PDS5A: variants seen among roughly 807,000 people sequenced by gnomAD.
PDS5A encodes the protein sister chromatid cohesion protein PDS5 homolog A.
PDS5A carries 42 observed loss-of-function variants against 167.1 expected under a neutral mutation model. The observed-to-expected ratio is 0.25, with a 90% confidence interval of 0.20 to 0.33. PDS5A has a LOEUF of 0.33. Among genes scored for constraint, PDS5A ranks in the 10% least tolerant of loss-of-function variants. PDS5A has a pLI of 1.00. For synonymous variants in PDS5A, 553 were observed against 554.6 expected (o/e 1.00, Z 0.04); for missense variants, 1,033 against 1,605.9 (o/e 0.64, Z 6.10).
intron 19 of PDS5A, 114 bp downstream of exon 19, chr4:39,876,879 A>C (rs903517134): frequency 4.2e-6 from 3 of 708,826 alleles, no homozygotes; most frequent in African/African-American, 3.7e-5. Context: ...GTAGCTTCTA[A>C]ATCAAAGTTG....
chr4:39,835,533 G>GC (rs1716306666), intron 32 of PDS5A, among the ~76,000 whole-genome samples: 2 of 151,990 alleles, frequency 1.3e-5, no homozygotes. Context: ...TTGTCTTTCT[G>GC]TTTTTTTGAG....
At chr4:39,913,283 G>C (rs753763347) in intron 9 of PDS5A, among the ~76,000 whole-genome samples, 1 of 151,858 alleles carries the variant, frequency 6.6e-6, no homozygotes, top group Non-Finnish European at 1.5e-5. Flanking sequence ...CACCATGTTG[G>C]TCAGGCTGGT....
chr4:39,917,112 T>A lies in PDS5A; in HGVS notation c.812A>T (p.Glu271Val). The change falls in exon 8 of 33, where the codon GAA (glutamate) becomes GTA (valine). Residue 271 changes from glutamate to valine, a missense_variant. By Grantham distance (121) the Glu-to-Val change is moderately radical (BLOSUM62 -2). Transcript: ENST00000303538. ...TAAATGAGGATCTATAGCAAAAAGT[T>A]CCTGAATCAGATCAAATACATGTTC... ...LSEHVFDLIQ[E>V]LFAIDPHLLL... 1 of 1,565,276 alleles carries A rather than the reference T, an allele frequency of 6.4e-7. No homozygotes were observed. The highest frequency in any genetic ancestry group is 8.6e-7 in the Non-Finnish European group (1 of 1,157,158).
intron 8 of PDS5A, 36 bp downstream of exon 8, chr4:39,917,012 A>T: frequency 7.6e-7 from 1 of 1,321,252 alleles, no homozygotes; most frequent in Non-Finnish European, 9.9e-7. Flanking sequence ...GAAACAAAAA[A>T]ATTAAAAAAA....
intron 30 of PDS5A, among the ~76,000 whole-genome samples, chr4:39,843,466 G>C (rs1230418674): frequency 6.6e-6 from 1 of 152,110 alleles, no homozygotes; most frequent in Admixed American, 6.5e-5. Context: ...AGGCGTGATG[G>C]TTCATGACTG....
chr4:39,976,621 T>A lies in PDS5A; in HGVS notation c.-40-4A>T. ...GTTCACAGTCCTCTACCGGCCTCTA[T>A]CGGTCAGAAAACCAAAGTTCAGCGG... On this transcript the variant is annotated splice_region_variant and splice_polypyrimidine_tract_variant and intron_variant, in intron 1 of 32. Transcript: ENST00000303538. 6.5e-7 allele frequency: 1 copy of A among 1,537,156 alleles called. No individual in the cohort carries two copies.
intron 2 of PDS5A, among the ~76,000 whole-genome samples, chr4:39,938,132 C>CT (rs1726820273): frequency 6.6e-6 from 1 of 152,326 alleles, no homozygotes; most frequent in Admixed American, 6.5e-5. Context: ...CTGTATATCA[C>CT]TTTCCTTTTT....
chr4:39,907,325 A>G (rs965404169), intron 11 of PDS5A, among the ~76,000 whole-genome samples: 3 of 152,190 alleles, frequency 2.0e-5, no homozygotes, highest in African/African-American at 7.2e-5. Flanking sequence ...GTAAAAACTT[A>G]AAGAATACCT....
intron 6 of PDS5A, among the ~76,000 whole-genome samples, chr4:39,922,075 T>C (rs890987893): frequency 2.0e-5 from 3 of 152,154 alleles, no homozygotes; most frequent in Non-Finnish European, 4.4e-5. Context: ...TGGTGGAGCC[T>C]GAGGGCAGCC....
At position 39,866,791 on chromosome 4, in the gene PDS5A, T is replaced by TAA. The variant is rs1481783242; in HGVS notation, c.2642+68_2642+69dup. 6 of 1,367,702 alleles carry TAA rather than the reference T, an allele frequency of 4.4e-6. No homozygotes were observed. The Admixed American group carries it at 1.2e-4, about 27-fold the overall frequency. The allele number at this position is 1,367,702 out of a possible 1,614,324, so 84.7% of individuals were successfully genotyped here. Reference sequence around the variant, plus strand: ...ATTACACCATTCAGTATTCATTAGGTAAATAATTCCTATGTAAATTCCACC... The same window carrying TAA: ...ATTACACCATTCAGTATTCATTAGGTAAAAATAATTCCTATGTAAATTCCACC... On this transcript the variant is annotated intron_variant, in intron 23 of 32. Transcript: ENST00000303538.
At chr4:39,971,666 G>C (rs1730552368) in intron 2 of PDS5A, among the ~76,000 whole-genome samples, 1 of 151,994 alleles carries the variant, frequency 6.6e-6, no homozygotes, top group Admixed American at 6.6e-5. Context: ...CACCATGTTG[G>C]CCAGGCTGGT....
At chr4:39,850,366 T>C in intron 26 of PDS5A, among the ~76,000 whole-genome samples, 1 of 151,980 alleles carries the variant, frequency 6.6e-6, no homozygotes, top group East Asian at 1.9e-4. Context: ...AGTGGGCTCC[T>C]GTAGTCCCAG....
intron 28 of PDS5A, 115 bp from the exon 29 acceptor site, chr4:39,845,995 T>TG (rs1717554830): frequency 9.3e-6 from 8 of 857,504 alleles, no homozygotes; most frequent in Non-Finnish European, 1.2e-5. Flanking sequence ...TAAATACACT[T>TG]GTGCTAACAC....
At chr4:39,869,265 G>A in intron 22 of PDS5A, 129 bp downstream of exon 22, 1 of 690,120 alleles carries the variant, frequency 1.4e-6, no homozygotes, top group Admixed American at 2.3e-5. Flanking sequence ...GAGCCCAGGA[G>A]TTCAAGACCA....
chr4:39,875,796 C>T (rs542130060), intron 19 of PDS5A, among the ~76,000 whole-genome samples: 1 of 152,238 alleles, frequency 6.6e-6, no homozygotes, highest in African/African-American at 2.4e-5. Context: ...ATTTACCAGA[C>T]TGAGATTTCT....
chr4:39,838,935 C>T (rs916464263), intron 31 of PDS5A, among the ~76,000 whole-genome samples: 2 of 151,666 alleles, frequency 1.3e-5, no homozygotes, highest in African/African-American at 2.4e-5. Context: ...AGGAGAATAG[C>T]CGAAATTGCA....
At chr4:39,876,659 GA>G (rs1228807090) in intron 19 of PDS5A, among the ~76,000 whole-genome samples, 1 of 151,988 alleles carries the variant, frequency 6.6e-6, no homozygotes, top group South Asian at 2.1e-4. Flanking sequence ...CCCATTTATA[GA>G]AAAAAAGATG....
At chr4:39,925,059 C>G (rs143917281) in intron 5 of PDS5A, among the ~76,000 whole-genome samples, 1 of 152,080 alleles carries the variant, frequency 6.6e-6, no homozygotes, top group Admixed American at 6.6e-5. Flanking sequence ...TTGCAGTGAG[C>G]CAAGATGGCA....
intron 2 of PDS5A, among the ~76,000 whole-genome samples, chr4:39,929,262 G>C (rs919789801): frequency 2.6e-5 from 4 of 151,894 alleles, no homozygotes; most frequent in Non-Finnish European, 5.9e-5. Flanking sequence ...TGAGTCAGTG[G>C]GCTGGGGAAG....
Sources: gnomAD v4.1 joint callset for allele counts (sites outside exome capture counted in the v4.1 genomes callset) on GRCh38, gnomAD v4.1.1 for gene constraint, MANE v1.5 for transcripts, NCBI Gene and HGNC (gene_info 2026-07-23, HGNC 2026-07-21) for gene names.